POLR3E: variants seen among roughly 807,000 people sequenced by gnomAD.
The protein encoded by POLR3E is RNA polymerase III subunit E, also known as DNA-directed RNA polymerase III subunit RPC5.
Under a neutral mutation model 96.6 loss-of-function variants are expected in POLR3E, and 41 were observed. That is an observed-to-expected ratio of 0.42 (90% CI 0.33 to 0.55). POLR3E has a LOEUF of 0.55. POLR3E is among the 20% of genes least tolerant of loss of function. POLR3E has a pLI of 0.06. For synonymous variants in POLR3E, 396 were observed against 383.6 expected (o/e 1.03, Z -0.38); for missense variants, 849 against 952.1 (o/e 0.89, Z 1.43).
chr16:22,307,409 A>G (rs1264398601), intron 3 of POLR3E, among the ~76,000 whole-genome samples: 1 of 152,190 alleles, frequency 6.6e-6, no homozygotes, highest in Non-Finnish European at 1.5e-5. Flanking sequence ...CCGCACTGCC[A>G]TACCTCCACC....
intron 1 of POLR3E, chr16:22,302,722 G>T: frequency 1.8e-6 from 1 of 553,988 alleles, no homozygotes; most frequent in Non-Finnish European, 3.2e-6. Context: ...GCTTGCACCC[G>T]CTGCTTGAGT....
At position 22,332,127 on chromosome 16, in the gene POLR3E, G is replaced by A. The variant is rs183932619; in HGVS notation, c.2012G>A (p.Arg671Gln). 197 of 1,613,578 alleles carry A rather than the reference G, an allele frequency of 1.2e-4. No homozygotes were observed. In the East Asian group the frequency reaches 2.0e-3, roughly 17 times the overall value. The change falls in exon 20 of 21, where the codon CGG becomes CAG. Residue 671 changes from arginine (R) to glutamine (Q), a missense_variant. By Grantham distance (43) the Arg-to-Gln change is conservative. Transcript: ENST00000299853. ...GTACGCCGAAACATGATCCAGTCTC[G>A]GTTGACTCAAGAGTGTGGAGAAGAT... Reference protein sequence around the residue: ...YRVRRNMIQSRLTQECGEDLS... With the variant: ...YRVRRNMIQSQLTQECGEDLS...
At chr16:22,303,139 C>G in intron 2 of POLR3E, 135 bp downstream of exon 2, 1 of 836,040 alleles carries the variant, frequency 1.2e-6, no homozygotes, top group Non-Finnish European at 2.1e-6. Flanking sequence ...TCTGCCTGGT[C>G]CCCTCTGCTG....
chr16:22,305,129 G>C (rs768361936), intron 2 of POLR3E, 27 bp from the exon 3 acceptor site: 3 of 1,603,776 alleles, frequency 1.9e-6, no homozygotes, highest in Non-Finnish European at 2.6e-6. Flanking sequence ...CCAGTCTCCC[G>C]GTTAAGTCGT....
rs550169787 is a variant in POLR3E, at chr16:22,322,137, C to G, written c.987-713C>G. Among the ~76,000 whole-genome samples, 6 of 152,336 alleles carry G rather than the reference C, an allele frequency of 3.9e-5. 1 individual carries two copies. The highest frequency in any genetic ancestry group is 3.3e-4 in the Admixed American group (5 of 15,306). ...AGTCCGTGTCCCCACAGAGCGTGGC[C>G]TTGCAGGATGAGTGACAGTTGGTTG... On this transcript the variant is annotated intron_variant, in intron 13 of 20. Transcript: ENST00000299853. This position sits in a 1 kb window ranked among gnomAD's most constrained non-coding sequence, Gnocchi z 5.2.
rs144892562 is a variant in POLR3E at position 22,326,059 on chromosome 16, G to T, written c.1647G>T (p.Pro549=). The change falls in exon 18 of 21, where the codon CCG becomes CCT. Residue 549 remains proline (P), a synonymous_variant. Coordinates refer to ENST00000299853, the MANE Select transcript of POLR3E (RefSeq NM_018119.4). ...GCACAGACAGCTTCAACGGGCACCCGCCCCAGGGCTGCGCCAGCACCCCTG... is the reference window on the plus strand; with the variant it reads ...GCACAGACAGCTTCAACGGGCACCCTCCCCAGGGCTGCGCCAGCACCCCTG... The part of the protein sequence containing the change: ...AAGTDSFNGH[P]PQGCASTPVA... 9.9e-5 allele frequency: 159 copies of T among 1,608,264 alleles called. No individual in the cohort carries two copies. Among genetic ancestry groups the T allele is most frequent in the Middle Eastern group, 3.3e-4 (2 of 6,034 alleles).
intron 1 of POLR3E, among the ~76,000 whole-genome samples, chr16:22,302,121 T>A (rs1159075168): frequency 6.6e-6 from 1 of 151,848 alleles, no homozygotes; most frequent in African/African-American, 2.4e-5. Flanking sequence ...GAATTTCTCC[T>A]CCCCTCTGTT....
At chr16:22,316,809 C>G (rs533504242) in intron 10 of POLR3E, 123 bp downstream of exon 10, 10 of 1,002,108 alleles carry the variant, frequency 1.0e-5, no homozygotes, top group Admixed American at 3.7e-5. Flanking sequence ...CCCATTGTCC[C>G]CTGGAGAAGG....
At chr16:22,316,854 T>C in intron 10 of POLR3E, 141 bp from the exon 11 acceptor site, 2 of 1,023,058 alleles carry the variant, frequency 2.0e-6, no homozygotes, top group Admixed American at 1.8e-5. Flanking sequence ...ATGGTCCACT[T>C]TTCTGCAGGG....
At chr16:22,317,498 A>G (rs1313518453) in intron 12 of POLR3E, among the ~76,000 whole-genome samples, 1 of 152,094 alleles carries the variant, frequency 6.6e-6, no homozygotes, top group East Asian at 1.9e-4. Flanking sequence ...GCTCTTGGGC[A>G]GGTCATGAAC....
chr16:22,299,974 C>G (rs2047989357), intron 1 of POLR3E, among the ~76,000 whole-genome samples: 1 of 152,132 alleles, frequency 6.6e-6, no homozygotes, highest in African/African-American at 2.4e-5. Flanking sequence ...CTAAGCCTCC[C>G]AAAGTGTTGG....
At chr16:22,332,569 C>A (rs888930549) in intron 20 of POLR3E, among the ~76,000 whole-genome samples, 7 of 151,934 alleles carry the variant, frequency 4.6e-5, no homozygotes, top group African/African-American at 1.7e-4. Context: ...AATAGAACAA[C>A]AAAAAAATAT....
chr16:22,308,946 G>C lies in POLR3E; in HGVS notation c.187G>C (p.Asp63His). 1 of 1,613,708 alleles carries C rather than the reference G, an allele frequency of 6.2e-7. No individual in the cohort carries two copies. The highest frequency in any genetic ancestry group is 8.5e-7 in the Non-Finnish European group (1 of 1,179,716). The change falls in exon 5 of 21, where the codon GAC (aspartate) becomes CAC (histidine). Residue 63 changes from aspartate to histidine, a missense_variant. Coordinates refer to ENST00000299853, the MANE Select transcript of POLR3E (RefSeq NM_018119.4). ...QQKVELEMAI[D>H]TLNPNYCRSK... The stretch of plus-strand genomic sequence containing the variant: ...CCAGGTAGAGCTTGAGATGGCCATC[G>C]ACACCCTGAACCCCAACTATTGCCG...
chr16:22,316,626 A>T lies in POLR3E; in HGVS notation c.668A>T (p.Gln223Leu). ...GACAGTCGCTCTGAGCATGAGCGTC[A>T]GTACCTGCTGTGCCCCGGCTCAAGC... is the stretch of plus-strand genomic sequence containing the variant. The part of the protein sequence containing the change: ...LRDSRSEHER[Q>L]YLLCPGSSGV... The change falls in exon 10 of 21, where the codon CAG becomes CTG. Residue 223 changes from glutamine (Q) to leucine (L), a missense_variant. Coordinates refer to ENST00000299853, the MANE Select transcript of POLR3E (RefSeq NM_018119.4). 2 of 1,614,018 alleles carry T rather than the reference A, an allele frequency of 1.2e-6. No individual in the cohort carries two copies. Among genetic ancestry groups the T allele is most frequent in the South Asian group, 2.2e-5 (2 of 91,088 alleles).
intron 8 of POLR3E, 57 bp downstream of exon 8, chr16:22,314,185 A>G (rs766716983): frequency 1.0e-4 from 142 of 1,395,346 alleles, no homozygotes; most frequent in Non-Finnish European, 1.3e-4. Flanking sequence ...AGGACCAGAG[A>G]CCAAGGGGTA....
intron 4 of POLR3E, among the ~76,000 whole-genome samples, chr16:22,308,698 A>G (rs982613983): frequency 6.6e-6 from 1 of 152,196 alleles, no homozygotes. Flanking sequence ...AGTGAAGTAG[A>G]GGACAAACAA....
rs2048179917 is a variant in POLR3E, at chr16:22,308,509, A to T, written c.165+284A>T. 1.0e-5 allele frequency: 5 copies of T among 498,706 alleles called. No homozygotes were observed. The South Asian group carries it at 1.1e-4, about 11-fold the overall frequency. The allele number at this position is 498,706 out of a possible 1,614,324, so 30.9% of individuals were successfully genotyped here. A position where few individuals can be genotyped will look rare whatever the true frequency, so the allele number is the denominator to read the frequency against. On this transcript the variant is annotated intron_variant, in intron 4 of 20. Coordinates refer to ENST00000299853, the MANE Select transcript of POLR3E (RefSeq NM_018119.4). ...GGCGGGTGAACATGGAGTAGGTTTG[A>T]TGGGAAGAGAATCTAGCGCCTATCC...
intron 19 of POLR3E, among the ~76,000 whole-genome samples, chr16:22,329,391 T>C (rs2048688287): frequency 6.6e-6 from 1 of 152,088 alleles, no homozygotes; most frequent in Non-Finnish European, 1.5e-5. Flanking sequence ...GCGCCTTGCG[T>C]GTGTGTGGTG....
Position 22,308,334 on chromosome 16 carries a change from C to G in POLR3E, c.165+109C>G. 4 of 825,710 alleles carry G rather than the reference C, an allele frequency of 4.8e-6. No individual in the cohort carries two copies. The Admixed American group carries it at 7.5e-5, about 15-fold the overall frequency. 51.1% of individuals were successfully genotyped at this position (825,710 alleles called of 1,614,324 possible). On this transcript the variant is annotated intron_variant, in intron 4 of 20. Coordinates refer to ENST00000299853, the MANE Select transcript of POLR3E (RefSeq NM_018119.4). ...GGAGTCATTGGAGAAGTAGGAGAAC[C>G]AGCAACTCCCAGGCCCTTGAAAGCT...
Sources: allele counts gnomAD v4.1 joint callset (sites outside exome capture counted in the v4.1 genomes callset), GRCh38; gene constraint gnomAD v4.1.1; non-coding constraint Gnocchi (gnomAD v3.1); transcripts MANE v1.5; gene names NCBI Gene and HGNC (gene_info 2026-07-23, HGNC 2026-07-21).